GPR161: variants seen among roughly 807,000 people sequenced by gnomAD.
The protein encoded by GPR161 is G protein-coupled receptor 161.
In GPR161, 25 loss-of-function variants were observed where a neutral mutation model predicts 39.2. That is an observed-to-expected ratio of 0.64 (90% CI 0.47 to 0.89). The LOEUF (loss-of-function observed/expected upper bound fraction) is 0.89. Ranked by LOEUF, GPR161 falls within the 40% of genes least tolerant of loss-of-function variation. The probability of loss-of-function intolerance (pLI) is 0.00; values close to 1 mark genes in which losing one functional copy is unlikely to be tolerated. For missense variants in GPR161, 547 were observed against 677.8 expected (o/e 0.81, Z 2.14); for synonymous variants, 286 against 276.6 (o/e 1.03, Z -0.34).
Position 168,083,720 on chromosome 1 carries a change from C to G in GPR161, c.*1811G>C, listed in dbSNP as rs1463294684. On this transcript the variant is annotated 3_prime_UTR_variant, in exon 6 of 6. Transcript: ENST00000682931. ...CAGAAGCTAGGCCAGCGCCTGGCAT[C>G]CAGGTGACCCAGAATAGTTGAGTTC... The G allele has an allele frequency of 1.3e-5, 2 of 152,334 alleles. No homozygotes were observed. Among genetic ancestry groups the G allele is most frequent in the African/African-American group, 4.8e-5 (2 of 41,450 alleles). 9.4% of individuals were successfully genotyped at this position (152,334 alleles called of 1,614,324 possible).
Position 168,097,095 on chromosome 1 carries a change from A to G in GPR161, c.512T>C (p.Phe171Ser), listed in dbSNP as rs2102141438. 6.2e-7 allele frequency: 1 copy of G among 1,614,042 alleles called. No homozygotes were observed. Among genetic ancestry groups the G allele is most frequent in the South Asian group, 1.1e-5 (1 of 91,076 alleles). Residue 171 changes from phenylalanine to serine, a missense_variant, in exon 3 of 6, where the codon TTT becomes TCT. Transcript: ENST00000682931. Reference sequence around the variant, plus strand: ...CACACACATCCATTTGAACTCGTCAAACTCCACGGATGACCAACCAAACAG... The same window carrying G: ...CACACACATCCATTTGAACTCGTCAGACTCCACGGATGACCAACCAAACAG... ...PPLFGWSSVEFDEFKWMCVAA... is the reference protein window; with the variant it reads ...PPLFGWSSVESDEFKWMCVAA...
At chr1:168,130,518 A>C (rs1698909583) in intron 1 of GPR161, among the ~76,000 whole-genome samples, 1 of 152,220 alleles carries the variant, frequency 6.6e-6, no homozygotes. Context: ...CCACACCAGA[A>C]GCCAAATACA....
intron 1 of GPR161, among the ~76,000 whole-genome samples, chr1:168,105,205 G>T (rs1248507040): frequency 2.0e-5 from 3 of 152,158 alleles, no homozygotes; most frequent in Non-Finnish European, 4.4e-5. Flanking sequence ...AGTTTAGAAA[G>T]CTGATCCTTG....
intron 1 of GPR161, 51 bp downstream of exon 1, chr1:168,136,688 G>A (rs1406845386): frequency 2.7e-6 from 3 of 1,110,484 alleles, no homozygotes; most frequent in Non-Finnish European, 3.3e-6. Context: ...GCTCCATCCG[G>A]ACCGCCCTCT....
At chr1:168,133,258 T>G in intron 1 of GPR161, among the ~76,000 whole-genome samples, 1 of 152,052 alleles carries the variant, frequency 6.6e-6, no homozygotes. Context: ...CAGTAAATAA[T>G]TCAGTCTCTT....
intron 1 of GPR161, among the ~76,000 whole-genome samples, chr1:168,107,104 A>C (rs536150934): frequency 4.9e-4 from 75 of 152,228 alleles, no homozygotes; most frequent in Admixed American, 1.4e-3. Context: ...TAAAAAAAGA[A>C]AGAAAATAGA....
At chr1:168,136,291 C>A in intron 1 of GPR161, 5 of 1,453,860 alleles carry the variant, frequency 3.4e-6, no homozygotes, top group Middle Eastern at 1.7e-4. Context: ...GGGGCGTGAC[C>A]GCTTCTCCCC....
chr1:168,102,601 C>T (rs1422454678), intron 2 of GPR161, among the ~76,000 whole-genome samples: 1 of 152,160 alleles, frequency 6.6e-6, no homozygotes, highest in Non-Finnish European at 1.5e-5. Flanking sequence ...ATTTGTCATG[C>T]TTGCTGGTAG....
In GPR161 at chr1:168,104,567, A is replaced by G. The variant is rs749393732; in HGVS notation, c.284T>C (p.Phe95Ser). Reference sequence around the variant, plus strand: ...AGAGAAGTTGCACCACACTACACCAAAGATCCATTCCCTGCGGATGGAGCT... The same window carrying G: ...AGAGAAGTTGCACCACACTACACCAGAGATCCATTCCCTGCGGATGGAGCT... ...VTSSIRREWIFGVVWCNFSAL... is the reference protein window; with the variant it reads ...VTSSIRREWISGVVWCNFSAL... Residue 95 changes from phenylalanine to serine, a missense_variant, in exon 2 of 6, where the codon TTT becomes TCT. Phe to Ser is a radical substitution (Grantham distance 155). Coordinates refer to ENST00000682931, the MANE Select transcript of GPR161 (RefSeq NM_001375883.1). The G allele has an allele frequency of 7.4e-6, 12 of 1,613,964 alleles. No individual in the cohort carries two copies. The highest frequency in any genetic ancestry group is 1.0e-5 in the Non-Finnish European group (12 of 1,179,866).
Position 168,085,652 on chromosome 1 carries a change from G to A in GPR161, c.1469C>T (p.Thr490Ile), listed in dbSNP as rs200521694. ...GCCGCCCCCCGGGACAGTCCGTGCT[G>A]TAACCAAGACCCCTGGCAAAGCCTC... is the stretch of plus-strand genomic sequence containing the variant. ...GEEALPGVLV[T>I]ARTVPGGGFG... The change falls in exon 6 of 6, where the codon ACA becomes ATA. Residue 490 changes from threonine (T) to isoleucine (I), a missense_variant. Thr to Ile is a moderately conservative substitution (Grantham distance 89). Coordinates refer to ENST00000682931, the MANE Select transcript of GPR161 (RefSeq NM_001375883.1). 37 of 1,614,098 alleles carry A rather than the reference G, an allele frequency of 2.3e-5. No homozygotes were observed. The Middle Eastern group carries it at 4.9e-4, about 22-fold the overall frequency.
chr1:168,125,320 C>T (rs1698501423), intron 1 of GPR161, among the ~76,000 whole-genome samples: 1 of 152,108 alleles, frequency 6.6e-6, no homozygotes, highest in Non-Finnish European at 1.5e-5. Flanking sequence ...AACAAAGACC[C>T]TTGAAATAGT....
chr1:168,126,153 C>T (rs1180729444), intron 1 of GPR161, among the ~76,000 whole-genome samples: 1 of 152,196 alleles, frequency 6.6e-6, no homozygotes, highest in East Asian at 1.9e-4. Context: ...CTCACAGCAG[C>T]TTTCTGTAAC....
intron 4 of GPR161, chr1:168,090,329 G>A (rs1353667364): frequency 2.4e-5 from 10 of 425,146 alleles, no homozygotes; most frequent in African/African-American, 8.0e-5. Flanking sequence ...AACACCGTGC[G>A]GCAGAGAGAA....
chr1:168,137,663 T>A (rs1333574896), upstream of GPR161: 1 of 567,642 alleles, frequency 1.8e-6, no homozygotes, highest in East Asian at 2.9e-5. Flanking sequence ...CTCCCCACTT[T>A]GCCTGCCTGT....
intron 1 of GPR161, chr1:168,136,146 G>A: frequency 7.9e-7 from 1 of 1,266,374 alleles, no homozygotes; most frequent in Non-Finnish European, 1.0e-6. Context: ...AGATCTGAGG[G>A]GCAGAGCCGC....
intron 1 of GPR161, among the ~76,000 whole-genome samples, chr1:168,125,491 T>C (rs1282244867): frequency 6.6e-6 from 1 of 152,220 alleles, no homozygotes; most frequent in Non-Finnish European, 1.5e-5. Context: ...TGAAAGACTT[T>C]CATTAGAATC....
chr1:168,127,498 A>C (rs1160957431), intron 1 of GPR161, among the ~76,000 whole-genome samples: 1 of 152,072 alleles, frequency 6.6e-6, no homozygotes, highest in Non-Finnish European at 1.5e-5. Flanking sequence ...AAAAAAAAAA[A>C]ATTTAGTTAA....
intron 2 of GPR161, among the ~76,000 whole-genome samples, chr1:168,099,221 G>A (rs1386436673): frequency 1.3e-5 from 2 of 152,186 alleles, no homozygotes; most frequent in Non-Finnish European, 2.9e-5. Context: ...CCTTGTGGGT[G>A]GCCTGCTGAG....
chr1:168,090,699 A>C, intron 3 of GPR161, 31 bp from the exon 4 acceptor site: 2 of 1,308,826 alleles, frequency 1.5e-6, no homozygotes, highest in Non-Finnish European at 2.2e-6. Context: ...TGACAACACA[A>C]TCACACTCTG....
Sources: gnomAD v4.1 joint callset for allele counts (sites outside exome capture counted in the v4.1 genomes callset) on GRCh38, gnomAD v4.1.1 for gene constraint, MANE v1.5 for transcripts, NCBI Gene and HGNC (gene_info 2026-07-23, HGNC 2026-07-21) for gene names.